Variants in ZBTB40 observed in about 807,000 individuals in gnomAD.
The protein encoded by ZBTB40 is zinc finger and BTB domain containing 40.
ZBTB40 carries 60 observed loss-of-function variants against 117.5 expected under a neutral mutation model. The ratio of observed to expected loss-of-function variants is 0.51; its 90% CI spans 0.41 to 0.63. ZBTB40 has a LOEUF of 0.63. ZBTB40 is among the 30% of genes least tolerant of loss of function. The pLI, the probability that ZBTB40 is intolerant of heterozygous loss-of-function variation, is 0.00. For synonymous variants in ZBTB40, 525 were observed against 577.1 expected (o/e 0.91, Z 1.29); for missense variants, 1,287 against 1,498.5 (o/e 0.86, Z 2.33).
intron 1 of ZBTB40, among the ~76,000 whole-genome samples, chr1:22,487,580 C>T (rs1359822461): frequency 6.6e-6 from 1 of 152,020 alleles, no homozygotes; most frequent in African/African-American, 2.4e-5. Context: ...CCATTCAGTC[C>T]CTAAGTCATG....
At chr1:22,482,566 A>T (rs1004510057) in intron 1 of ZBTB40, among the ~76,000 whole-genome samples, 8 of 152,220 alleles carry the variant, frequency 5.3e-5, no homozygotes, top group African/African-American at 1.9e-4. Context: ...TGACAAATGT[A>T]TAATGACTTA....
chr1:22,511,497 CAT>C lies in ZBTB40; in HGVS notation c.2002+152_2002+153del, dbSNP rs1294925869. 1.1e-4 allele frequency: 142 copies of C among 1,300,452 alleles called. No individual in the cohort carries two copies. The Admixed American group carries it at 1.2e-3, about 11-fold the overall frequency. The allele number at this position is 1,300,452 out of a possible 1,614,324, so 80.6% of individuals were successfully genotyped here. ...CTGAATACCTAAAAAAGTCATGAGA[CAT>C]AGGGGGAAAATGTTCTTTGTGTTTA... On this transcript the variant is annotated intron_variant, in intron 10 of 17. Coordinates refer to ENST00000375647, the MANE Select transcript of ZBTB40 (RefSeq NM_014870.4).
Position 22,508,471 on chromosome 1 carries a change from T to C in ZBTB40, c.1498-59T>C, listed in dbSNP as rs1032127167. The C allele has an allele frequency of 2.5e-6, 4 of 1,595,184 alleles. No homozygotes were observed. The African/African-American group carries it at 4.0e-5, about 16-fold the overall frequency. ...AACCCAATATCTAGACTTGCAGCTC[T>C]GCAGCTGGGCTAGTGGCTGGAGAGT... On this transcript the variant is annotated intron_variant, in intron 7 of 17. Coordinates refer to ENST00000375647, the MANE Select transcript of ZBTB40 (RefSeq NM_014870.4).
Position 22,489,941 on chromosome 1 carries a change from T to C in ZBTB40, c.-8T>C, listed in dbSNP as rs748909300. Reference sequence around the variant, plus strand: ...AGGAAGAGCAGTTCTTGGGGCAGAGTTGACGCAATGGAGCTCCCCAACTAC... The same window carrying C: ...AGGAAGAGCAGTTCTTGGGGCAGAGCTGACGCAATGGAGCTCCCCAACTAC... On this transcript the variant is annotated 5_prime_UTR_variant, in exon 2 of 18. Transcript: ENST00000375647. 3.0e-5 allele frequency: 49 copies of C among 1,609,064 alleles called. No homozygotes were observed. The highest frequency in any genetic ancestry group is 4.1e-5 in the Non-Finnish European group (48 of 1,179,910).
intron 1 of ZBTB40, among the ~76,000 whole-genome samples, chr1:22,462,580 A>G (rs925558875): frequency 6.6e-6 from 1 of 152,178 alleles, no homozygotes; most frequent in African/African-American, 2.4e-5. Context: ...GAAGAGTCTC[A>G]TTTCTGTCAT....
In ZBTB40 at chr1:22,528,544, T is replaced by C. The variant is rs577849514; in HGVS notation, c.*2148T>C. On this transcript the variant is annotated 3_prime_UTR_variant, in exon 18 of 18. Coordinates refer to ENST00000375647, the MANE Select transcript of ZBTB40 (RefSeq NM_014870.4). ...GAAATTCTTTCTCAGGTTTCTTTTT[T>C]TGGGGGAGACAGGGTCTTGCTCTGT... is the stretch of plus-strand genomic sequence containing the variant. 1.4e-3 allele frequency: 215 copies of C among 152,440 alleles called. No individual in the cohort carries two copies. The highest frequency in any genetic ancestry group is 4.9e-3 in the African/African-American group (202 of 41,564). 9.4% of individuals were successfully genotyped at this position (152,440 alleles called of 1,614,324 possible). A position where few individuals can be genotyped will look rare whatever the true frequency, so the allele number is the denominator to read the frequency against.
chr1:22,499,656 CTA>C (rs1159860808), intron 3 of ZBTB40, among the ~76,000 whole-genome samples: 1 of 152,144 alleles, frequency 6.6e-6, no homozygotes, highest in Non-Finnish European at 1.5e-5. Flanking sequence ...TGTGTTTTGT[CTA>C]TGTGTACTTT....
intron 1 of ZBTB40, among the ~76,000 whole-genome samples, chr1:22,443,430 G>A (rs992432918): frequency 5.9e-5 from 9 of 152,236 alleles, no homozygotes; most frequent in Admixed American, 2.0e-4. Flanking sequence ...CAGGTGATAG[G>A]TGGATTCAAA....
At chr1:22,441,734 C>T (rs1330816681) in intron 1 of ZBTB40, among the ~76,000 whole-genome samples, 1 of 152,082 alleles carries the variant, frequency 6.6e-6, no homozygotes, top group Admixed American at 6.6e-5. Context: ...CTGCCCACCT[C>T]ACCCTCCCAA....
intron 3 of ZBTB40, among the ~76,000 whole-genome samples, chr1:22,495,451 A>G (rs116100116): frequency 0.028 from 4,192 of 152,172 alleles, 225 homozygotes; most frequent in African/African-American, 0.096. Context: ...TAAAACTGTT[A>G]TTTAGAGCCA....
chr1:22,500,158 T>C (rs1298946652), intron 3 of ZBTB40, among the ~76,000 whole-genome samples: 1 of 152,274 alleles, frequency 6.6e-6, no homozygotes, highest in African/African-American at 2.4e-5. Flanking sequence ...ATGTGAACCT[T>C]ACCTTCCAAT....
At chr1:22,499,873 C>T (rs1255144161) in intron 3 of ZBTB40, among the ~76,000 whole-genome samples, 1 of 152,216 alleles carries the variant, frequency 6.6e-6, no homozygotes, top group African/African-American at 2.4e-5. Context: ...TTTGTAATAA[C>T]AGCTGTCTAG....
intron 12 of ZBTB40, among the ~76,000 whole-genome samples, chr1:22,516,502 A>G (rs1339729985): frequency 6.6e-6 from 1 of 152,186 alleles, no homozygotes; most frequent in Non-Finnish European, 1.5e-5. Context: ...GTCAAGGACT[A>G]AGCCCCAGGC....
chr1:22,509,253 C>A lies in ZBTB40; in HGVS notation c.1833+20C>A. The A allele has an allele frequency of 3.7e-6, 6 of 1,613,952 alleles. No individual in the cohort carries two copies. Among genetic ancestry groups the A allele is most frequent in the Non-Finnish European group, 5.1e-6 (6 of 1,179,940 alleles). On this transcript the variant is annotated intron_variant, in intron 9 of 17. Coordinates refer to ENST00000375647, the MANE Select transcript of ZBTB40 (RefSeq NM_014870.4). ...AAAGAGGTGTGGTGGGAATAAAAAG[C>A]GAAATGCCAGAGAGTTTTACAGTTG...
intron 1 of ZBTB40, among the ~76,000 whole-genome samples, chr1:22,486,084 T>C (rs1638458723): frequency 6.6e-6 from 1 of 152,250 alleles, no homozygotes. Flanking sequence ...CAAACTGTTT[T>C]TGGGTTTTGT....
At chr1:22,472,024 TTCTCAAGAA>T (rs1237524702) in intron 1 of ZBTB40, among the ~76,000 whole-genome samples, 1 of 152,142 alleles carries the variant, frequency 6.6e-6, no homozygotes, top group African/African-American at 2.4e-5. Flanking sequence ...ACCCACTCAC[TTCTCAAGAA>T]TAAGCAAGAG....
At chr1:22,431,495 T>G (rs552985617) in intron 1 of ZBTB40, among the ~76,000 whole-genome samples, 1 of 150,912 alleles carries the variant, frequency 6.6e-6, no homozygotes, top group Non-Finnish European at 1.5e-5. Flanking sequence ...TCCCAGCACT[T>G]TGGGAGACCA....
At chr1:22,493,112 G>A (rs1243897113) in intron 3 of ZBTB40, among the ~76,000 whole-genome samples, 1 of 152,120 alleles carries the variant, frequency 6.6e-6, no homozygotes, top group Non-Finnish European at 1.5e-5. Flanking sequence ...AGGTGATGAA[G>A]AAATGTCTGT....
rs147261080 is a variant in ZBTB40, at chr1:22,467,075, A to G, written c.-70+15071A>G. ...TTTGTCTGCAGGGTTTTTTTTAACC[A>G]TTAATACTATTGCTGCGAATATAGT... On this transcript the variant is annotated intron_variant, in intron 1 of 17. Coordinates refer to ENST00000375647, the MANE Select transcript of ZBTB40 (RefSeq NM_014870.4). Among the ~76,000 whole-genome samples, 1,348 of 152,252 alleles carry G rather than the reference A, an allele frequency of 8.9e-3. 10 individuals are homozygous for G. The highest frequency in any genetic ancestry group is 0.031 in the African/African-American group (1,279 of 41,534).
Sources: allele counts gnomAD v4.1 joint callset (sites outside exome capture counted in the v4.1 genomes callset), GRCh38; gene constraint gnomAD v4.1.1; transcripts MANE v1.5; gene names NCBI Gene and HGNC (gene_info 2026-07-23, HGNC 2026-07-21).